WNT2B: variants seen among roughly 807,000 people sequenced by gnomAD.
WNT2B encodes the protein Wnt family member 2B.
In WNT2B, 19 loss-of-function variants were observed where a neutral mutation model predicts 40.5. The observed-to-expected ratio is 0.47, with a 90% CI of 0.33 to 0.69. The LOEUF is 0.69. Among genes scored for constraint, WNT2B ranks in the 30% least tolerant of loss-of-function variants. The probability of loss-of-function intolerance (pLI) is 0.02; values close to 1 mark genes in which losing one functional copy is unlikely to be tolerated. For synonymous variants in WNT2B, 220 were observed against 211.9 expected, an observed-to-expected ratio of 1.04 and a Z score of -0.33; for missense variants, 467 against 556.4, an observed-to-expected ratio of 0.84 and a Z score of 1.62.
Position 112,526,015 on chromosome 1 carries a change from A to G in WNT2B, c.*5506A>G. The G allele has an allele frequency of 1.2e-6, 2 of 1,614,194 alleles. No individual in the cohort carries two copies. Among genetic ancestry groups the G allele is most frequent in the Non-Finnish European group, 1.7e-6 (2 of 1,180,004 alleles). The stretch of plus-strand genomic sequence containing the variant: ...AGGTCACATGAACAGTGCGTGGCTC[A>G]GCCAGAACTCAAACCTAGGTCTTCT... On this transcript the variant is annotated 3_prime_UTR_variant, in exon 5 of 5. Coordinates refer to ENST00000369684, the MANE Select transcript of WNT2B (RefSeq NM_024494.3).
At chr1:112,468,368 A>G (rs531873707) in intron 1 of WNT2B, among the ~76,000 whole-genome samples, 3 of 152,158 alleles carry the variant, frequency 2.0e-5, no homozygotes, top group Non-Finnish European at 2.9e-5. Flanking sequence ...GTTTTAATAA[A>G]TCTCCATATT....
rs1425666629 is a variant in WNT2B at position 112,484,276 on chromosome 1, T to TATATATACAC, written c.-95+16692_-95+16693insCACATATATA. ...ATATACACATATATATATACACATATATATATATATATATACACACACATA... is the reference window on the plus strand; with the variant it reads ...ATATACACATATATATATACACATATATATATACACATATATATATATATACACACACATA... On this transcript the variant is annotated intron_variant, in intron 1 of 4. Transcript: ENST00000256640. Among the ~76,000 whole-genome samples the TATATATACAC allele has an allele frequency of 6.4e-3, 885 of 137,450 alleles. 14 individuals carry two copies. The highest frequency in any genetic ancestry group is 0.023 in the African/African-American group (837 of 36,506). 90.2% of individuals were successfully genotyped at this position (137,450 alleles called of 152,430 possible).
At chr1:112,511,112 TG>T (rs1248865988) in intron 1 of WNT2B, among the ~76,000 whole-genome samples, 1 of 152,138 alleles carries the variant, frequency 6.6e-6, no homozygotes, top group Non-Finnish European at 1.5e-5. Flanking sequence ...AAGACCCAAA[TG>T]GGGGTCTTCC....
chr1:112,516,135 T>C lies in WNT2B; in HGVS notation c.404-5T>C, dbSNP rs1449110021. 6.2e-7 allele frequency: 1 copy of C among 1,608,502 alleles called. No individual in the cohort carries two copies. The highest frequency in any genetic ancestry group is 8.5e-7 in the Non-Finnish European group (1 of 1,175,998). ...TGAAGCACACCTCTACAATTCTCTC[T>C]CTAGGTAGCCGAGAGGCAGCTTTTG... On this transcript the variant is annotated splice_region_variant and splice_polypyrimidine_tract_variant and intron_variant, in intron 2 of 4. Coordinates refer to ENST00000369684, the MANE Select transcript of WNT2B (RefSeq NM_024494.3).
intron 1 of WNT2B, among the ~76,000 whole-genome samples, chr1:112,514,381 T>C (rs1261338514): frequency 6.6e-6 from 1 of 152,178 alleles, no homozygotes; most frequent in African/African-American, 2.4e-5. Context: ...ACTATGTCTC[T>C]TCCCACGAGC....
chr1:112,486,770 C>A (rs552833892), intron 1 of WNT2B, among the ~76,000 whole-genome samples: 1 of 151,954 alleles, frequency 6.6e-6, no homozygotes, highest in Non-Finnish European at 1.5e-5. Flanking sequence ...CAAATTAAAA[C>A]CACAATGAGA....
At chr1:112,520,197 C>G in intron 4 of WNT2B, 83 bp from the exon 5 acceptor site, 1 of 1,372,300 alleles carries the variant, frequency 7.3e-7, no homozygotes, top group Non-Finnish European at 1.0e-6. Context: ...TTCTTTTTAT[C>G]TTCCTTCTGA....
chr1:112,476,267 C>G (rs954684023), intron 1 of WNT2B, among the ~76,000 whole-genome samples: 1 of 151,884 alleles, frequency 6.6e-6, no homozygotes, highest in Non-Finnish European at 1.5e-5. Flanking sequence ...TGTAACATAT[C>G]AATATTTATG....
At chr1:112,502,746 T>G (rs1307351167) in intron 1 of WNT2B, among the ~76,000 whole-genome samples, 1 of 151,466 alleles carries the variant, frequency 6.6e-6, no homozygotes, top group Non-Finnish European at 1.5e-5. Context: ...GGGTTCTGGG[T>G]TTTTCAGGAA....
intron 1 of WNT2B, among the ~76,000 whole-genome samples, chr1:112,472,339 G>C (rs1399252711): frequency 2.6e-5 from 4 of 152,094 alleles, no homozygotes; most frequent in Non-Finnish European, 5.9e-5. Flanking sequence ...AAATGTATGA[G>C]GAAACTACCC....
intron 1 of WNT2B, among the ~76,000 whole-genome samples, chr1:112,482,833 T>G (rs1651269254): frequency 6.6e-6 from 1 of 152,198 alleles, no homozygotes; most frequent in Non-Finnish European, 1.5e-5. Context: ...GTCCATAGAT[T>G]GAAAAAATAT....
chr1:112,488,719 T>A (rs1446469580), intron 1 of WNT2B, among the ~76,000 whole-genome samples: 2 of 150,430 alleles, frequency 1.3e-5, no homozygotes, highest in African/African-American at 4.9e-5. Context: ...GCCCGGCTAA[T>A]TTTTTTTTGT....
chr1:112,526,222 C>A lies in WNT2B; in HGVS notation c.*5713C>A. ...AAGGAACAGCCTAGGCCCTCCTGAA[C>A]CTTATCAACCAATGGCTCTTTTGCC... On this transcript the variant is annotated 3_prime_UTR_variant, in exon 5 of 5. Transcript: ENST00000369684. 1 of 1,448,930 alleles carries A rather than the reference C, an allele frequency of 6.9e-7. No individual in the cohort carries two copies. The highest frequency in any genetic ancestry group is 9.3e-7 in the Non-Finnish European group (1 of 1,072,782). 89.8% of individuals were successfully genotyped at this position (1,448,930 alleles called of 1,614,324 possible).
chr1:112,508,089 G>A (rs2101080058), upstream of WNT2B, among the ~76,000 whole-genome samples: 1 of 152,148 alleles, frequency 6.6e-6, no homozygotes, highest in African/African-American at 2.4e-5. The surrounding 1 kb of genome is among the most constrained non-coding windows in gnomAD (Gnocchi z 4.2). Flanking sequence ...GACGAAGGAG[G>A]GAAAAAGCTC....
chr1:112,467,194 C>T, exon 1 of WNT2B: 1 of 295,422 alleles, frequency 3.4e-6, no homozygotes, highest in Non-Finnish European at 6.3e-6. Context: ...AAGTTGCCAG[C>T]AGGCACCGTG....
chr1:112,495,554 G>A (rs1317828809), intron 1 of WNT2B, among the ~76,000 whole-genome samples: 16 of 150,112 alleles, frequency 1.1e-4, no homozygotes, highest in Non-Finnish European at 3.0e-5. Context: ...GCGCCACTGC[G>A]CTCCAGCCTG....
At chr1:112,468,340 T>C (rs980967115) in intron 1 of WNT2B, among the ~76,000 whole-genome samples, 4 of 152,214 alleles carry the variant, frequency 2.6e-5, no homozygotes, top group Non-Finnish European at 4.4e-5. Context: ...TCCTGGATTA[T>C]GGTAGTTCTA....
At chr1:112,478,120 A>G (rs1331684159) in intron 1 of WNT2B, among the ~76,000 whole-genome samples, 1 of 152,072 alleles carries the variant, frequency 6.6e-6, no homozygotes, top group East Asian at 1.9e-4. Context: ...TGTGGTCTCC[A>G]CAACTCAGGA....
chr1:112,501,198 G>A (rs549180755), intron 1 of WNT2B, among the ~76,000 whole-genome samples: 6 of 152,276 alleles, frequency 3.9e-5, no homozygotes, highest in African/African-American at 1.4e-4. Context: ...TTAGACCGGG[G>A]TAATGGGGAG....
Sources: gnomAD v4.1 joint callset for allele counts (sites outside exome capture counted in the v4.1 genomes callset) on GRCh38, gnomAD v4.1.1 for gene constraint, Gnocchi (gnomAD v3.1) non-coding constraint, MANE v1.5 for transcripts, NCBI Gene and HGNC (gene_info 2026-07-23, HGNC 2026-07-21) for gene names.